Variants in XPR1 observed in about 807,000 individuals in gnomAD.
The protein encoded by XPR1 is xenotropic and polytropic retrovirus receptor 1, also known as solute carrier family 53 member 1.
A neutral mutation model predicts 87.5 loss-of-function variants in XPR1; 28 were observed. The observed-to-expected ratio is 0.32, with a 90% CI of 0.24 to 0.44. The LOEUF is 0.44. Among genes scored for constraint, XPR1 ranks in the 20% least tolerant of loss-of-function variants. The pLI is 1.00. For missense variants in XPR1, 559 were observed against 862.3 expected, an observed-to-expected ratio of 0.65 and a Z score of 4.41; for synonymous variants, 300 against 306.1, an observed-to-expected ratio of 0.98 and a Z score of 0.21.
Position 180,884,623 on chromosome 1 carries a change from T to C in XPR1, c.*557T>C, listed in dbSNP as rs1293976129. On this transcript the variant is annotated 3_prime_UTR_variant, in exon 15 of 15. Transcript: ENST00000367590. ...CTACTTTTTAATTTGATGTAACTTTTCTTATTTTGGGAAGGGTTGCTGGGT... is the reference window on the plus strand; with the variant it reads ...CTACTTTTTAATTTGATGTAACTTTCCTTATTTTGGGAAGGGTTGCTGGGT... 4 of 152,662 alleles carry C rather than the reference T, an allele frequency of 2.6e-5. No homozygotes were observed. The highest frequency in any genetic ancestry group is 9.7e-5 in the African/African-American group (4 of 41,448). 9.5% of individuals were successfully genotyped at this position (152,662 alleles called of 1,614,324 possible).
At chr1:180,790,753 G>T (rs1649348673) in intron 3 of XPR1, among the ~76,000 whole-genome samples, 1 of 152,070 alleles carries the variant, frequency 6.6e-6, no homozygotes, top group African/African-American at 2.4e-5. Flanking sequence ...GTGTTAACCA[G>T]GGTGGTCTTG....
intron 2 of XPR1, among the ~76,000 whole-genome samples, chr1:180,739,775 A>G (rs987401095): frequency 2.2e-4 from 34 of 151,962 alleles, no homozygotes; most frequent in African/African-American, 6.3e-4. Flanking sequence ...GGGTCTCACT[A>G]TGTTTCCCAG....
intron 3 of XPR1, among the ~76,000 whole-genome samples, chr1:180,794,884 T>C (rs1649513570): frequency 6.6e-6 from 1 of 152,188 alleles, no homozygotes; most frequent in Admixed American, 6.5e-5. Context: ...GAGAGAAAAG[T>C]GGAAAAATTA....
At chr1:180,656,431 A>ATATAAATATTCATG (rs1557941336) in intron 1 of XPR1, among the ~76,000 whole-genome samples, 1 of 42,284 alleles carries the variant, frequency 2.4e-5, no homozygotes, top group African/African-American at 9.0e-5. Context: ...AAATATTTAT[A>ATATAAATATTCATG]TATTTATATA....
chr1:180,671,536 T>TA lies in XPR1; in HGVS notation c.70-10824_70-10823insA, dbSNP rs939981380. Among the ~76,000 whole-genome samples, 381 of 140,898 alleles carry TA rather than the reference T, an allele frequency of 2.7e-3. 1 individual carries two copies. Among genetic ancestry groups the TA allele is most frequent in the African/African-American group, 0.012 (373 of 30,978 alleles). 92.4% of individuals were successfully genotyped at this position (140,898 alleles called of 152,430 possible). On this transcript the variant is annotated intron_variant, in intron 1 of 14. Transcript: ENST00000367590. ...GTGGCTGGCACATAATATATATATA[T>TA]TTTTTTGAGACGGAGTCTCGTCCTG...
At chr1:180,703,779 A>G (rs1422251917) in intron 2 of XPR1, among the ~76,000 whole-genome samples, 1 of 152,230 alleles carries the variant, frequency 6.6e-6, no homozygotes, top group Non-Finnish European at 1.5e-5. Flanking sequence ...CATTTGGTAC[A>G]GAAGGCACTA....
chr1:180,863,861 T>C lies in XPR1; in HGVS notation c.1655T>C (p.Val552Ala). Reference sequence around the variant, plus strand: ...AACACTTTCCTCCGGGAAGAGATTGTATACCCCCAAAAAGTATGTATAAAG... The same window carrying C: ...AACACTTTCCTCCGGGAAGAGATTGCATACCCCCAAAAAGTATGTATAAAG... ...GENTFLREEI[V>A]YPQKAYYYCA... Residue 552 changes from valine (V) to alanine (A), a missense_variant, in exon 12 of 15, where the codon GTA (valine) becomes GCA (alanine). Coordinates refer to ENST00000367590, the MANE Select transcript of XPR1 (RefSeq NM_004736.4). 1 of 1,598,586 alleles carries C rather than the reference T, an allele frequency of 6.3e-7. No homozygotes were observed. Among genetic ancestry groups the C allele is most frequent in the East Asian group, 2.2e-5 (1 of 44,692 alleles).
intron 11 of XPR1, among the ~76,000 whole-genome samples, chr1:180,847,524 A>G (rs965950408): frequency 1.3e-5 from 2 of 152,158 alleles, no homozygotes; most frequent in Admixed American, 1.3e-4. Context: ...TTGATTTAAA[A>G]TTAGTAAAAT....
chr1:180,683,793 G>A (rs1298052334), intron 2 of XPR1, among the ~76,000 whole-genome samples: 24 of 150,936 alleles, frequency 1.6e-4, no homozygotes, highest in African/African-American at 5.4e-4. Context: ...CATATCCTTT[G>A]CCCACTTTTT....
intron 2 of XPR1, among the ~76,000 whole-genome samples, chr1:180,738,271 A>G (rs1658795080): frequency 6.6e-6 from 1 of 152,164 alleles, no homozygotes; most frequent in African/African-American, 2.4e-5. Context: ...CTTGCCTCCC[A>G]AAGTGCTAGG....
At chr1:180,776,535 G>C (rs186508140) in intron 2 of XPR1, among the ~76,000 whole-genome samples, 1 of 151,700 alleles carries the variant, frequency 6.6e-6, no homozygotes, top group Non-Finnish European at 1.5e-5. Flanking sequence ...TGATTGCAGG[G>C]TACCAGAAAT....
At chr1:180,728,163 G>A (rs578252343) in intron 2 of XPR1, among the ~76,000 whole-genome samples, 1 of 152,130 alleles carries the variant, frequency 6.6e-6, no homozygotes, top group African/African-American at 2.4e-5. Context: ...TATGTATTCA[G>A]GAGCAATTTT....
At chr1:180,754,948 G>A (rs1207713759) in intron 2 of XPR1, among the ~76,000 whole-genome samples, 1 of 152,024 alleles carries the variant, frequency 6.6e-6, no homozygotes. Context: ...GTGGGGGTGG[G>A]TCACTGCAAC....
Position 180,881,924 on chromosome 1 carries a change from A to G in XPR1, c.2030+1627A>G, listed in dbSNP as rs571862077. On this transcript the variant is annotated intron_variant, in intron 14 of 14. Transcript: ENST00000367590. ...CAGGGAGGTAATAGGAAGAGCATCA[A>G]AACAAAGCATGGTTGGTGCTGTGAT... Among the ~76,000 whole-genome samples, 6 of 152,348 alleles carry G rather than the reference A, an allele frequency of 3.9e-5. No homozygotes were observed. In the South Asian group the frequency reaches 1.2e-3, roughly 32 times the overall value.
chr1:180,809,541 A>C (rs761315334), intron 6 of XPR1, among the ~76,000 whole-genome samples: 3 of 152,204 alleles, frequency 2.0e-5, no homozygotes, highest in Non-Finnish European at 4.4e-5. Flanking sequence ...TCTATACTTT[A>C]AGTATGTGCA....
At chr1:180,738,899 C>G (rs1658827146) in intron 2 of XPR1, among the ~76,000 whole-genome samples, 1 of 151,970 alleles carries the variant, frequency 6.6e-6, no homozygotes. Context: ...TGATTAAGTT[C>G]AATTTATCAG....
At chr1:180,721,208 CA>C (rs1393578863) in intron 2 of XPR1, among the ~76,000 whole-genome samples, 2 of 140,142 alleles carry the variant, frequency 1.4e-5, no homozygotes, top group African/African-American at 5.3e-5. Flanking sequence ...GTGACAAGAA[CA>C]AAACTCTGTC....
rs1557953500 is a variant in XPR1, at chr1:180,680,356, C to CTTT, written c.70-2004_70-2003insTTT. Among the ~76,000 whole-genome samples the CTTT allele has an allele frequency of 1.2e-3, 149 of 119,640 alleles. 1 individual carries two copies. The highest frequency in any genetic ancestry group is 4.6e-3 in the African/African-American group (143 of 31,416). The allele number at this position is 119,640 out of a possible 152,430, so 78.5% of individuals were successfully genotyped here. On this transcript the variant is annotated intron_variant, in intron 1 of 14. Transcript: ENST00000367590. ...ATTCCTCAAATAACTACAAATAGAA[C>CTTT]CTTTTTTTTTTTTTTTTTTTTTTTT... is the stretch of plus-strand genomic sequence containing the variant.
rs1652943978 is a variant in XPR1 at position 180,884,495 on chromosome 1, A to C, written c.*429A>C. On this transcript the variant is annotated 3_prime_UTR_variant, in exon 15 of 15. Coordinates refer to ENST00000367590, the MANE Select transcript of XPR1 (RefSeq NM_004736.4). ...GACATTGGTTTTTAAATTTTTTGTCAGTTTATGTGGAGAATTTTTTTCTTT... is the reference window on the plus strand; with the variant it reads ...GACATTGGTTTTTAAATTTTTTGTCCGTTTATGTGGAGAATTTTTTTCTTT... The C allele has an allele frequency of 1.3e-5, 2 of 153,738 alleles. No individual in the cohort carries two copies. The highest frequency in any genetic ancestry group is 4.1e-4 in the South Asian group (2 of 4,868). 9.5% of individuals were successfully genotyped at this position (153,738 alleles called of 1,614,324 possible).
Sources: allele counts gnomAD v4.1 joint callset (sites outside exome capture counted in the v4.1 genomes callset), GRCh38; gene constraint gnomAD v4.1.1; transcripts MANE v1.5; gene names NCBI Gene and HGNC (gene_info 2026-07-23, HGNC 2026-07-21).